Variants in UPF2 observed in about 807,000 individuals in gnomAD.
The protein encoded by UPF2 is UPF2 regulator of nonsense mediated mRNA decay, also known as regulator of nonsense transcripts 2.
A neutral mutation model predicts 141.4 loss-of-function variants in UPF2; 17 were observed. That is an observed-to-expected ratio of 0.12 (90% CI 0.08 to 0.18). UPF2 has a LOEUF of 0.18. UPF2 is among the 10% of genes least tolerant of loss of function. UPF2 has a pLI of 1.00. For synonymous variants in UPF2, 540 were observed against 498.0 expected, an observed-to-expected ratio of 1.08 and a Z score of -1.12; for missense variants, 1,152 against 1,515.9, an observed-to-expected ratio of 0.76 and a Z score of 3.99.
intron 9 of UPF2, among the ~76,000 whole-genome samples, chr10:11,977,904 A>ACC (rs1363366979): frequency 6.6e-6 from 1 of 152,192 alleles, no homozygotes; most frequent in Non-Finnish European, 1.5e-5. Context: ...TCCCTTACGT[A>ACC]CTACTACCTA....
At chr10:11,975,069 G>T (rs554396015) in intron 9 of UPF2, among the ~76,000 whole-genome samples, 102 of 152,286 alleles carry the variant, frequency 6.7e-4, no homozygotes, top group African/African-American at 2.3e-3. Flanking sequence ...TTTTTAAAAT[G>T]TCAATGACTG....
At chr10:12,013,877 G>T (rs1834173535) in intron 4 of UPF2, 147 bp downstream of exon 4, 1 of 745,262 alleles carries the variant, frequency 1.3e-6, no homozygotes, top group South Asian at 4.8e-5. Context: ...TGAGGTTACA[G>T]GCATGAGCCA....
Position 12,014,969 on chromosome 10 carries a change from C to T in UPF2, c.1146-785G>A, listed in dbSNP as rs1834192335. On this transcript the variant is annotated intron_variant, in intron 3 of 21. Coordinates refer to ENST00000357604, the MANE Select transcript of UPF2 (RefSeq NM_015542.4). The surrounding 1 kb of genome is among the most constrained non-coding windows in gnomAD (Gnocchi z 5.0). ...ACTCTTCCACTTTGCAAGAATACAC[C>T]AATAAGCCCCTAACTACAAATGCAA... Among the ~76,000 whole-genome samples, 1 of 152,096 alleles carries T rather than the reference C, an allele frequency of 6.6e-6. No individual in the cohort carries two copies. Among genetic ancestry groups the T allele is most frequent in the African/African-American group, 2.4e-5 (1 of 41,418 alleles).
intron 14 of UPF2, 72 bp downstream of exon 14, chr10:11,955,158 TTC>T: frequency 7.3e-7 from 1 of 1,373,488 alleles, no homozygotes; most frequent in Non-Finnish European, 9.6e-7. Context: ...ATAACGTTTC[TTC>T]TCTCATAGTA....
At chr10:12,000,426 C>T (rs1328126729) in intron 6 of UPF2, among the ~76,000 whole-genome samples, 1 of 152,088 alleles carries the variant, frequency 6.6e-6, no homozygotes, top group Non-Finnish European at 1.5e-5. Context: ...AAAGAATCTG[C>T]AGTAAGATAG....
At chr10:12,027,489 T>G (rs1055203973) in intron 3 of UPF2, among the ~76,000 whole-genome samples, 1 of 152,200 alleles carries the variant, frequency 6.6e-6, no homozygotes, top group Non-Finnish European at 1.5e-5. Context: ...AATTAAGCCC[T>G]AAGTAAGTGA....
chr10:11,938,842 GTTTTTTTTTTGTTTT>G (rs1416484310), intron 18 of UPF2, among the ~76,000 whole-genome samples: 124 of 45,852 alleles, frequency 2.7e-3, no homozygotes, highest in East Asian at 0.013. Context: ...TCTTAAGCAA[GTTTTTTTTTTGTTTT>G]TTTTTTTTTT....
intron 2 of UPF2, among the ~76,000 whole-genome samples, chr10:12,034,266 A>G (rs961062914): frequency 1.3e-5 from 2 of 152,310 alleles, no homozygotes; most frequent in South Asian, 4.1e-4. Flanking sequence ...GAAGGTTTTC[A>G]ATTTTTTTAA....
intron 3 of UPF2, among the ~76,000 whole-genome samples, chr10:12,025,309 G>A (rs1834399659): frequency 6.6e-6 from 1 of 152,176 alleles, no homozygotes; most frequent in Non-Finnish European, 1.5e-5. Context: ...CCAGCACTCT[G>A]GGAGGCCGAG....
At chr10:12,007,612 C>T (rs902812692) in intron 4 of UPF2, among the ~76,000 whole-genome samples, 4 of 151,858 alleles carry the variant, frequency 2.6e-5, no homozygotes, top group Non-Finnish European at 4.4e-5. Flanking sequence ...AGGTGGATAA[C>T]GAGGTCAGGA....
chr10:11,963,269 T>G (rs1833268196), intron 11 of UPF2, among the ~76,000 whole-genome samples: 1 of 152,242 alleles, frequency 6.6e-6, no homozygotes, highest in Non-Finnish European at 1.5e-5. Flanking sequence ...TGAACCACTT[T>G]GAAGATGGTA....
intron 4 of UPF2, among the ~76,000 whole-genome samples, chr10:12,008,194 G>C (rs760670487): frequency 6.6e-6 from 1 of 152,040 alleles, no homozygotes; most frequent in African/African-American, 2.4e-5. Flanking sequence ...AAAAAGGACA[G>C]GGGGTGGGGG....
At chr10:11,943,315 C>T (rs1832959896) in intron 16 of UPF2, 147 bp from the exon 17 acceptor site, 2 of 669,310 alleles carry the variant, frequency 3.0e-6, no homozygotes, top group East Asian at 5.4e-5. Flanking sequence ...AATGGGAGGG[C>T]AAAGTCAGCT....
intron 3 of UPF2, among the ~76,000 whole-genome samples, chr10:12,023,388 T>C (rs1834350622): frequency 6.6e-6 from 1 of 151,424 alleles, no homozygotes; most frequent in Non-Finnish European, 1.5e-5. Context: ...CAAAAAATAA[T>C]ATTCGGCTGG....
In UPF2 at chr10:12,016,345, T is replaced by G. The variant is rs1210876316; in HGVS notation, c.1146-2161A>C. Among the ~76,000 whole-genome samples the G allele has an allele frequency of 6.6e-6, 1 of 152,142 alleles. No individual in the cohort carries two copies. Among genetic ancestry groups the G allele is most frequent in the Non-Finnish European group, 1.5e-5 (1 of 68,032 alleles). ...TCCCAAAATGTTGGGATTACAGGTG[T>G]GAGCCACCACACTCGGCCAAAATTA... On this transcript the variant is annotated intron_variant, in intron 3 of 21. Coordinates refer to ENST00000357604, the MANE Select transcript of UPF2 (RefSeq NM_015542.4). The surrounding 1 kb of genome is among the most constrained non-coding windows in gnomAD (Gnocchi z 4.1).
chr10:11,942,412 A>G (rs190140874), intron 18 of UPF2, among the ~76,000 whole-genome samples: 13 of 152,326 alleles, frequency 8.5e-5, no homozygotes. Context: ...AATAAAAGGC[A>G]AAGATTGGCA....
intron 9 of UPF2, among the ~76,000 whole-genome samples, chr10:11,972,763 T>C (rs1451489795): frequency 6.6e-6 from 1 of 152,246 alleles, no homozygotes; most frequent in Non-Finnish European, 1.5e-5. Flanking sequence ...TGTGCCACAT[T>C]TTCTTAATCC....
At chr10:12,002,400 T>C (rs923996631) in intron 5 of UPF2, among the ~76,000 whole-genome samples, 3 of 152,254 alleles carry the variant, frequency 2.0e-5, no homozygotes, top group Non-Finnish European at 2.9e-5. Context: ...AGGACTTACA[T>C]GGCGTGAGGA....
chr10:11,933,900 C>T (rs186534538), intron 19 of UPF2, among the ~76,000 whole-genome samples: 1 of 152,282 alleles, frequency 6.6e-6, no homozygotes, highest in East Asian at 1.9e-4. Flanking sequence ...AAAATCATGG[C>T]CTTCCTGTGC....
Sources: allele counts gnomAD v4.1 joint callset (sites outside exome capture counted in the v4.1 genomes callset), GRCh38; gene constraint gnomAD v4.1.1; non-coding constraint Gnocchi (gnomAD v3.1); transcripts MANE v1.5; gene names NCBI Gene and HGNC (gene_info 2026-07-23, HGNC 2026-07-21).